Variants in ILKAP observed in about 807,000 individuals in gnomAD.
ILKAP encodes ILK associated serine/threonine phosphatase, also known as integrin-linked kinase-associated serine/threonine phosphatase 2C.
ILKAP carries 11 observed loss-of-function variants against 49.1 expected under a neutral mutation model. The observed-to-expected ratio is 0.22, with a 90% CI of 0.14 to 0.37. The LOEUF (loss-of-function observed/expected upper bound fraction) is 0.37. ILKAP is among the 10% of genes least tolerant of loss of function. ILKAP has a pLI of 1.00. For synonymous variants in ILKAP, 186 were observed against 192.8 expected, an observed-to-expected ratio of 0.96 and a Z score of 0.29; for missense variants, 363 against 510.8, an observed-to-expected ratio of 0.71 and a Z score of 2.79.
intron 1 of ILKAP, among the ~76,000 whole-genome samples, chr2:238,197,535 C>T (rs558416633): frequency 7.9e-5 from 12 of 152,270 alleles, no homozygotes; most frequent in African/African-American, 2.9e-4. Flanking sequence ...TGCCACTGTA[C>T]AAGGGAGGAA....
chr2:238,190,008 T>A, intron 3 of ILKAP, 36 bp from the exon 4 acceptor site: 1 of 1,606,806 alleles, frequency 6.2e-7, no homozygotes, highest in South Asian at 1.1e-5. Context: ...GAAACACAGC[T>A]GTAGACTGTT....
rs1457493295 is a variant in ILKAP, at chr2:238,184,094, C to T, written c.552G>A (p.Glu184=). The T allele has an allele frequency of 1.2e-6, 2 of 1,600,438 alleles. No individual in the cohort carries two copies. The highest frequency in any genetic ancestry group is 1.7e-6 in the Non-Finnish European group (2 of 1,167,626). The change falls in exon 7 of 12, where the codon GAG becomes GAA. Residue 184 remains glutamate (E), a synonymous_variant. Transcript: ENST00000254654. ...CCAAAAGGCATCTCTTCACGGTTTT[C>T]TCTACACTGATTACATCTCCTATTA... ...KFPKGDVISV[E]KTVKRCLLDT...
intron 8 of ILKAP, 95 bp from the exon 9 acceptor site, chr2:238,182,281 A>G (rs1488761000): frequency 7.0e-7 from 1 of 1,428,314 alleles, no homozygotes; most frequent in Non-Finnish European, 9.7e-7. Context: ...GAGTTTGAAG[A>G]AAACAGTTAA....
intron 1 of ILKAP, among the ~76,000 whole-genome samples, chr2:238,202,414 T>A (rs1402215744): frequency 6.6e-6 from 1 of 151,970 alleles, no homozygotes; most frequent in Non-Finnish European, 1.5e-5. Flanking sequence ...TTAGTACCCT[T>A]CAGAAAGCAG....
chr2:238,201,743 A>G (rs56988267), intron 1 of ILKAP, among the ~76,000 whole-genome samples: 17,322 of 152,256 alleles, frequency 0.11, 2,000 homozygotes, highest in African/African-American at 0.3. Flanking sequence ...TTACACGCAC[A>G]CTGGTGAATC....
chr2:238,175,548 T>C (rs1693413950), intron 9 of ILKAP, among the ~76,000 whole-genome samples: 1 of 152,186 alleles, frequency 6.6e-6, no homozygotes, highest in East Asian at 1.9e-4. Flanking sequence ...CTCAATGCGA[T>C]GTCCTACGTA....
intron 4 of ILKAP, among the ~76,000 whole-genome samples, chr2:238,189,476 T>A (rs1246766620): frequency 6.6e-6 from 1 of 152,212 alleles, no homozygotes; most frequent in African/African-American, 2.4e-5. Flanking sequence ...GGAAGCTGCC[T>A]ACTAAGCTAA....
intron 1 of ILKAP, among the ~76,000 whole-genome samples, chr2:238,196,493 C>T (rs918908121): frequency 2.0e-5 from 3 of 152,176 alleles, no homozygotes; most frequent in African/African-American, 7.2e-5. Context: ...TCCCAAAGTG[C>T]TGGGATTACA....
At chr2:238,194,363 C>G in intron 2 of ILKAP, 32 bp from the exon 3 acceptor site, 2 of 1,605,346 alleles carry the variant, frequency 1.2e-6, no homozygotes, top group Non-Finnish European at 1.7e-6. Flanking sequence ...AGTGAGCCCA[C>G]AAAAAATATG....
At chr2:238,186,787 C>T (rs1693925741) in intron 5 of ILKAP, 1 of 151,308 alleles carries the variant, frequency 6.6e-6, no homozygotes, top group South Asian at 2.1e-4. Context: ...TTTTGGAATT[C>T]CTTTTCAATT....
At chr2:238,185,144 C>T (rs1378448360) in intron 6 of ILKAP, 37 bp downstream of exon 6, 1 of 1,335,004 alleles carries the variant, frequency 7.5e-7, no homozygotes, top group Non-Finnish European at 1.1e-6. Flanking sequence ...CAGCAATAAC[C>T]AATTTGAGTA....
At chr2:238,187,102 A>C (rs1693937967) in intron 5 of ILKAP, 1 of 152,220 alleles carries the variant, frequency 6.6e-6, no homozygotes, top group East Asian at 1.9e-4. Context: ...AAATTCAAAA[A>C]ATTAGCCGGC....
intron 1 of ILKAP, 92 bp from the exon 2 acceptor site, chr2:238,194,962 C>CA (rs1472528532): frequency 1.0e-6 from 1 of 997,004 alleles, no homozygotes; most frequent in African/African-American, 1.6e-5. Flanking sequence ...CCTGCTTTGA[C>CA]ACAAGTTTGC....
chr2:238,193,795 TAAGAAGTTCTCATGAGACAG>T (rs2106339516), intron 3 of ILKAP, among the ~76,000 whole-genome samples: 1 of 152,308 alleles, frequency 6.6e-6, no homozygotes, highest in South Asian at 2.1e-4. Context: ...GAGCTCTACC[TAAGAAGTTCTCATGAGACAG>T]AATCATACCT....
At position 238,182,032 on chromosome 2, in the gene ILKAP, C is replaced by G. The variant is rs756878968; in HGVS notation, c.836+33G>C. On this transcript the variant is annotated intron_variant, in intron 9 of 11. Coordinates refer to ENST00000254654, the MANE Select transcript of ILKAP (RefSeq NM_030768.3). Reference sequence around the variant, plus strand: ...GACCCTTCTACAGCTAACAGCCCTCCTTCCCATGAGCTCCTCTCAGTCCCT... The same window carrying G: ...GACCCTTCTACAGCTAACAGCCCTCGTTCCCATGAGCTCCTCTCAGTCCCT... 5 of 1,610,594 alleles carry G rather than the reference C, an allele frequency of 3.1e-6. No homozygotes were observed. The Admixed American group carries it at 5.0e-5, about 16-fold the overall frequency.
chr2:238,183,589 G>A (rs368583486), intron 8 of ILKAP, 64 bp downstream of exon 8: 73 of 1,123,686 alleles, frequency 6.5e-5, no homozygotes, highest in Middle Eastern at 1.9e-4. Context: ...CAACAAGTAC[G>A]TGCTAAAGTC....
intron 6 of ILKAP, among the ~76,000 whole-genome samples, chr2:238,184,592 C>T (rs1693827163): frequency 6.6e-6 from 1 of 152,076 alleles, no homozygotes; most frequent in South Asian, 2.1e-4. Flanking sequence ...CTGGGTCTCA[C>T]TCTGTCACCC....
Position 238,184,091 on chromosome 2 carries a change from T to C in ILKAP, c.555A>G (p.Lys185=). ...TGTCCAAAAGGCATCTCTTCACGGTTTTCTCTACACTGATTACATCTCCTA... is the reference window on the plus strand; with the variant it reads ...TGTCCAAAAGGCATCTCTTCACGGTCTTCTCTACACTGATTACATCTCCTA... ...FPKGDVISVE[K]TVKRCLLDTF... The change falls in exon 7 of 12, where the codon AAA becomes AAG. Residue 185 remains lysine, a synonymous_variant. Transcript: ENST00000254654. 6.2e-7 allele frequency: 1 copy of C among 1,603,844 alleles called. No individual in the cohort carries two copies. The highest frequency in any genetic ancestry group is 8.5e-7 in the Non-Finnish European group (1 of 1,170,626).
intron 1 of ILKAP, among the ~76,000 whole-genome samples, chr2:238,201,662 G>A (rs780264181): frequency 6.6e-6 from 1 of 152,224 alleles, no homozygotes; most frequent in Non-Finnish European, 1.5e-5. Flanking sequence ...TGTCAGTCAA[G>A]GGAGCCTGCT....
Sources: gnomAD v4.1 joint callset for allele counts (sites outside exome capture counted in the v4.1 genomes callset) on GRCh38, gnomAD v4.1.1 for gene constraint, MANE v1.5 for transcripts, NCBI Gene and HGNC (gene_info 2026-07-23, HGNC 2026-07-21) for gene names.